HELQ: variants seen among roughly 807,000 people sequenced by gnomAD.
HELQ encodes the protein helicase POLQ-like.
A neutral mutation model predicts 111.6 loss-of-function variants in HELQ; 77 were observed. That is an observed-to-expected ratio of 0.69 (90% CI 0.57 to 0.83). The LOEUF is 0.83. Among genes scored for constraint, HELQ ranks in the 40% least tolerant of loss-of-function variants. The pLI is 0.00. For missense variants in HELQ, 1,200 were observed against 1,288.5 expected (o/e 0.93, Z 1.05); for synonymous variants, 438 against 454.7 (o/e 0.96, Z 0.47).
intron 2 of HELQ, among the ~76,000 whole-genome samples, chr4:83,452,294 AT>A (rs1206279370): frequency 2.7e-5 from 4 of 150,756 alleles, no homozygotes; most frequent in South Asian, 2.1e-4. Flanking sequence ...GTGTTACTGT[AT>A]TTTATTGTGG....
chr4:83,420,984 T>G (rs1471181149), intron 15 of HELQ, among the ~76,000 whole-genome samples: 3 of 152,090 alleles, frequency 2.0e-5, no homozygotes, highest in African/African-American at 7.2e-5. Context: ...TTTTTCTTAT[T>G]TTTTGTAGAG....
intron 12 of HELQ, among the ~76,000 whole-genome samples, chr4:83,428,479 T>A (rs1432829471): frequency 6.6e-6 from 1 of 152,186 alleles, no homozygotes; most frequent in Non-Finnish European, 1.5e-5. Context: ...GAGAATCATT[T>A]GAGCCCAGGA....
chr4:83,421,908 T>C (rs1348992410), intron 14 of HELQ, among the ~76,000 whole-genome samples, 172 bp from the exon 15 acceptor site: 1 of 152,186 alleles, frequency 6.6e-6, no homozygotes, highest in Non-Finnish European at 1.5e-5. Flanking sequence ...TAAAATTTAT[T>C]ATCATTTTTC....
intron 1 of HELQ, 132 bp from the exon 2 acceptor site, chr4:83,454,077 T>C: frequency 1.5e-6 from 1 of 653,988 alleles, no homozygotes; most frequent in Non-Finnish European, 2.7e-6. Flanking sequence ...AGTGGCATGC[T>C]CCTGTAATCC....
At chr4:83,432,090 A>G in intron 10 of HELQ, 36 bp downstream of exon 10, 4 of 1,474,860 alleles carry the variant, frequency 2.7e-6, no homozygotes, top group Non-Finnish European at 3.6e-6. Flanking sequence ...ACCAAGAAAA[A>G]GACAAAAACA....
In HELQ at chr4:83,431,653, A is replaced by G; in HGVS notation, c.2295+11T>C. 6.8e-7 allele frequency: 1 copy of G among 1,459,860 alleles called. No homozygotes were observed. The allele number at this position is 1,459,860 out of a possible 1,614,324, so 90.4% of individuals were successfully genotyped here. On this transcript the variant is annotated intron_variant, in intron 11 of 17. Transcript: ENST00000295488. ...ATAACAGTAATAAGATAAAAAATTT[A>G]AGAAAAATACCTTCAAACCAATCAA...
At chr4:83,448,757 G>C in intron 3 of HELQ, 26 bp downstream of exon 3, 1 of 1,572,386 alleles carries the variant, frequency 6.4e-7, no homozygotes, top group Non-Finnish European at 8.7e-7. Context: ...AATAACATTT[G>C]TTTTAAAACA....
intron 6 of HELQ, among the ~76,000 whole-genome samples, chr4:83,442,560 C>T (rs766017501): frequency 9.2e-5 from 14 of 151,662 alleles, no homozygotes; most frequent in Non-Finnish European, 1.5e-4. Context: ...TACAGGCGTG[C>T]GTCACCATGC....
chr4:83,446,452 G>A (rs12651246), intron 4 of HELQ, among the ~76,000 whole-genome samples: 69,953 of 151,824 alleles, frequency 0.46, 17,056 homozygotes, highest in East Asian at 0.67. Flanking sequence ...GATTACAGGC[G>A]CCCACCACCA....
intron 3 of HELQ, among the ~76,000 whole-genome samples, chr4:83,447,738 G>A (rs938766791): frequency 3.3e-5 from 5 of 150,882 alleles, no homozygotes; most frequent in African/African-American, 4.9e-5. Context: ...GTGTGCTTGC[G>A]ATTCTGGCTG....
Position 83,453,397 on chromosome 4 carries a change from T to C in HELQ, c.846A>G (p.Pro282=). The change falls in exon 2 of 18, where the codon CCA becomes CCG. Residue 282 remains proline, a synonymous_variant. Coordinates refer to ENST00000295488, the MANE Select transcript of HELQ (RefSeq NM_133636.5). ...AMTGNAKAQT[P]IFSRSKQLKD... is the part of the protein sequence containing the mutation. ...TGAGCTGTTTACTTCTAGAAAATAT[T>C]GGTGTCTGGGCCTTCGCATTTCCAG... The C allele has an allele frequency of 6.2e-7, 1 of 1,606,624 alleles. No homozygotes were observed. Among genetic ancestry groups the C allele is most frequent in the Non-Finnish European group, 8.5e-7 (1 of 1,178,056 alleles).
chr4:83,414,147 A>G (rs1739243510), intron 17 of HELQ, among the ~76,000 whole-genome samples: 1 of 152,250 alleles, frequency 6.6e-6, no homozygotes, highest in Admixed American at 6.5e-5. Context: ...ATAGAAAAAT[A>G]CATAGACATA....
chr4:83,427,972 T>C lies in HELQ; in HGVS notation c.2519-252A>G, dbSNP rs569322055. Reference sequence around the variant, plus strand: ...ATTTCCATATGTACCCCAAAATACATAGAGATGTCCATGCGCCTTGTTTAT... The same window carrying C: ...ATTTCCATATGTACCCCAAAATACACAGAGATGTCCATGCGCCTTGTTTAT... On this transcript the variant is annotated intron_variant, in intron 12 of 17. Transcript: ENST00000295488. 1.4e-4 allele frequency among the ~76,000 whole-genome samples: 21 copies of C among 152,298 alleles called. 1 individual carries two copies. In the South Asian group the frequency reaches 3.7e-3, roughly 27 times the overall value.
chr4:83,455,623 C>T lies in HELQ; in HGVS notation c.71G>A (p.Cys24Tyr). ...GGCCGCGGTGGGAGCGCCAAAAATA[C>T]ACCCCAAGCTTGGACGGTTCCTTTT... ...LPKRNRPSLG[C>Y]IFGAPTAAEL... is the part of the protein sequence containing the mutation. Residue 24 changes from cysteine (C) to tyrosine (Y), a missense_variant, in exon 1 of 18, where the codon TGT becomes TAT. Physicochemically the swap from Cys to Tyr is radical, Grantham distance 194. Around this residue, in one of 3 missense-constraint regions of HELQ, gnomAD observed 610 missense variants for 607.1 expected, o/e 1.00. Coordinates refer to ENST00000295488, the MANE Select transcript of HELQ (RefSeq NM_133636.5). 3 of 1,613,788 alleles carry T rather than the reference C, an allele frequency of 1.9e-6. No individual in the cohort carries two copies. The highest frequency in any genetic ancestry group is 1.7e-5 in the Admixed American group (1 of 60,000).
intron 2 of HELQ, among the ~76,000 whole-genome samples, chr4:83,453,019 GA>G (rs950321820): frequency 6.6e-6 from 1 of 152,194 alleles, no homozygotes; most frequent in African/African-American, 2.4e-5. Context: ...AGACAGAAAG[GA>G]TAACTGGTTT....
At position 83,421,702 on chromosome 4, in the gene HELQ, A is replaced by G; in HGVS notation, c.2810T>C (p.Leu937Pro). Residue 937 changes from leucine to proline, a missense_variant, in exon 15 of 18, where the codon CTG (leucine) becomes CCG (proline). By Grantham distance (98) the Leu-to-Pro change is moderately conservative (BLOSUM62 -3). This residue lies in a region of HELQ where 585 missense variants were observed against 665.3 expected (regional missense o/e 0.88). Coordinates refer to ENST00000295488, the MANE Select transcript of HELQ (RefSeq NM_133636.5). ...GAGCAAGGTATAAAGAACAAAAGAC[A>G]GATATAGCCTGTTGACAACGTTCTT... ...VDKNVVNRLY[L>P]SFVLYTLLKE... 2.5e-6 allele frequency: 4 copies of G among 1,613,698 alleles called. No individual in the cohort carries two copies. Among genetic ancestry groups the G allele is most frequent in the Non-Finnish European group, 2.5e-6 (3 of 1,179,814 alleles).
At chr4:83,438,105 T>G (rs937220291) in intron 8 of HELQ, among the ~76,000 whole-genome samples, 6 of 152,196 alleles carry the variant, frequency 3.9e-5, no homozygotes, top group African/African-American at 1.2e-4. Flanking sequence ...ATTTTTATAT[T>G]TTGCTATTCA....
chr4:83,427,550 G>A lies in HELQ; in HGVS notation c.2676+13C>T, dbSNP rs768163821. 29 of 1,505,382 alleles carry A rather than the reference G, an allele frequency of 1.9e-5. No individual in the cohort carries two copies. In the African/African-American group the frequency reaches 3.3e-4, roughly 17 times the overall value. 93.3% of individuals were successfully genotyped at this position (1,505,382 alleles called of 1,614,324 possible). A position where few individuals can be genotyped will look rare whatever the true frequency, so the allele number is the denominator to read the frequency against. On this transcript the variant is annotated intron_variant, in intron 13 of 17. Coordinates refer to ENST00000295488, the MANE Select transcript of HELQ (RefSeq NM_133636.5). The stretch of plus-strand genomic sequence containing the variant: ...AACGAAGTAGCCTAAGTTGAAAAAC[G>A]TTATATTCTCACCTGCCTGAAGTAT...
At chr4:83,448,467 T>C (rs2110010749) in intron 3 of HELQ, among the ~76,000 whole-genome samples, 1 of 151,786 alleles carries the variant, frequency 6.6e-6, no homozygotes, top group South Asian at 2.1e-4. Context: ...ATCAGGAGTT[T>C]GAGACCAGCC....
Sources: gnomAD v4.1 joint callset for allele counts (sites outside exome capture counted in the v4.1 genomes callset) on GRCh38, gnomAD v4.1.1 for gene constraint, gnomAD v4.1.1 regional missense constraint, MANE v1.5 for transcripts, NCBI Gene and HGNC (gene_info 2026-07-23, HGNC 2026-07-21) for gene names.